Variants in QRFPR observed in about 807,000 individuals in gnomAD.
QRFPR encodes the protein pyroglutamylated RFamide peptide receptor.
A neutral mutation model predicts 31.3 loss-of-function variants in QRFPR; 37 were observed. The ratio of observed to expected loss-of-function variants is 1.18; its 90% CI spans 0.91 to 1.56. The LOEUF (loss-of-function observed/expected upper bound fraction) is 1.56, where lower values mean the gene tolerates loss of function less well. Among genes scored for constraint, QRFPR ranks in the 40% most tolerant of loss-of-function variants. The probability of loss-of-function intolerance (pLI) is 0.00; values close to 1 mark genes in which losing one functional copy is unlikely to be tolerated. For missense variants in QRFPR, 542 were observed against 532.5 expected (o/e 1.02, Z -0.18); for synonymous variants, 197 against 192.0 (o/e 1.03, Z -0.22).
At chr4:121,359,711 G>C (rs1004947705) in intron 1 of QRFPR, among the ~76,000 whole-genome samples, 1 of 149,810 alleles carries the variant, frequency 6.7e-6, no homozygotes, top group Non-Finnish European at 1.5e-5. Context: ...GTATGTGTGT[G>C]TGTGTATATA....
Position 121,331,721 on chromosome 4 carries a change from C to T in QRFPR, c.797+1100G>A, listed in dbSNP as rs1171911608. Among the ~76,000 whole-genome samples the T allele has an allele frequency of 4.0e-5, 6 of 151,268 alleles. No individual in the cohort carries two copies. In the South Asian group the frequency reaches 1.3e-3, roughly 32 times the overall value. On this transcript the variant is annotated intron_variant, in intron 4 of 5. Coordinates refer to ENST00000394427, the MANE Select transcript of QRFPR (RefSeq NM_198179.3). ...AGACTAGAGTGCAGTGGCGTGATCT[C>T]GGCTCACTGCAACCTCAGTCCATCA...
intron 2 of QRFPR, among the ~76,000 whole-genome samples, chr4:121,337,504 A>T (rs574557735): frequency 2.0e-4 from 31 of 152,286 alleles, no homozygotes; most frequent in African/African-American, 7.0e-4. Context: ...TGTTTCCTCA[A>T]ATAAGAGTCC....
intron 1 of QRFPR, among the ~76,000 whole-genome samples, chr4:121,369,220 G>T (rs1278202540): frequency 6.6e-6 from 1 of 152,060 alleles, no homozygotes; most frequent in African/African-American, 2.4e-5. Flanking sequence ...GTAGAGACAG[G>T]GTTTCATTGT....
chr4:121,378,648 C>G (rs1376492247), intron 1 of QRFPR, among the ~76,000 whole-genome samples: 1 of 152,070 alleles, frequency 6.6e-6, no homozygotes, highest in Admixed American at 6.6e-5. Flanking sequence ...TGGTCTCGAT[C>G]TCATGACCTC....
At chr4:121,359,115 G>A (rs1725929860) in intron 1 of QRFPR, among the ~76,000 whole-genome samples, 1 of 152,076 alleles carries the variant, frequency 6.6e-6, no homozygotes, top group Non-Finnish European at 1.5e-5. Flanking sequence ...GCCTTACAAA[G>A]GAAGTAAGTA....
At chr4:121,366,902 C>T (rs1264842142) in intron 1 of QRFPR, among the ~76,000 whole-genome samples, 1 of 124,172 alleles carries the variant, frequency 8.1e-6, no homozygotes, top group Non-Finnish European at 1.8e-5. Context: ...CAGTGCATAG[C>T]AAGGCTCTAG....
At chr4:121,375,524 T>C (rs1287949699) in intron 1 of QRFPR, among the ~76,000 whole-genome samples, 3 of 152,190 alleles carry the variant, frequency 2.0e-5, no homozygotes, top group Non-Finnish European at 4.4e-5. Context: ...TACTTTAGAC[T>C]TTGGGCAGAG....
rs1204630258 is a variant in QRFPR, at chr4:121,329,039, C to T, written c.*275G>A. ...AAAGTGCTGGGATTACAGGCATGAG[C>T]CACCGTGCCTGGCCTTCCATGTTGC... On this transcript the variant is annotated 3_prime_UTR_variant, in exon 6 of 6. Coordinates refer to ENST00000394427, the MANE Select transcript of QRFPR (RefSeq NM_198179.3). 3 of 262,458 alleles carry T rather than the reference C, an allele frequency of 1.1e-5. No individual in the cohort carries two copies. The highest frequency in any genetic ancestry group is 2.1e-5 in the Non-Finnish European group (3 of 140,524). 16.3% of individuals were successfully genotyped at this position (262,458 alleles called of 1,614,324 possible). A position where few individuals can be genotyped will look rare whatever the true frequency, so the allele number is the denominator to read the frequency against.
chr4:121,332,276 T>A (rs1172040385), intron 4 of QRFPR, among the ~76,000 whole-genome samples: 2 of 152,098 alleles, frequency 1.3e-5, no homozygotes, highest in African/African-American at 4.8e-5. Flanking sequence ...TATTAATGAA[T>A]AAATTCAGAA....
Position 121,372,251 on chromosome 4 carries a change from G to A in QRFPR, c.340+8057C>T, listed in dbSNP as rs1259827181. Among the ~76,000 whole-genome samples the A allele has an allele frequency of 3.9e-5, 6 of 152,164 alleles. No homozygotes were observed. In the South Asian group the frequency reaches 8.3e-4, roughly 21 times the overall value. ...GGGGGTATCTCTGGGTGTTTGAATA[G>A]GAGTGACGATGGCGCTCCCTGAGGT... On this transcript the variant is annotated intron_variant, in intron 1 of 5. Coordinates refer to ENST00000394427, the MANE Select transcript of QRFPR (RefSeq NM_198179.3).
At chr4:121,372,967 G>A (rs751510491) in intron 1 of QRFPR, among the ~76,000 whole-genome samples, 1 of 152,154 alleles carries the variant, frequency 6.6e-6, no homozygotes, top group African/African-American at 2.4e-5. Flanking sequence ...TGGCCGCCGA[G>A]GGGGAGGATG....
At chr4:121,334,664 A>G in intron 3 of QRFPR, 1 of 360,206 alleles carries the variant, frequency 2.8e-6, no homozygotes. Context: ...AGAAGTTGTG[A>G]ATTCACATTT....
intron 3 of QRFPR, among the ~76,000 whole-genome samples, chr4:121,334,794 G>A (rs886557054): frequency 6.6e-6 from 1 of 152,130 alleles, no homozygotes; most frequent in African/African-American, 2.4e-5. Flanking sequence ...AGCAGAGAGC[G>A]GCAGTGAGAA....
chr4:121,337,183 A>G (rs1725452136), intron 2 of QRFPR, among the ~76,000 whole-genome samples: 1 of 151,920 alleles, frequency 6.6e-6, no homozygotes, highest in Admixed American at 6.6e-5. Flanking sequence ...ATTTCTGTCC[A>G]TGCTCTTCAC....
At position 121,380,572 on chromosome 4, in the gene QRFPR, T is replaced by G; in HGVS notation, c.76A>C (p.Ile26Leu). The G allele has an allele frequency of 6.2e-7, 1 of 1,606,598 alleles. No individual in the cohort carries two copies. Among genetic ancestry groups the G allele is most frequent in the Non-Finnish European group, 8.5e-7 (1 of 1,176,550 alleles). ...RDHNLTREQF[I>L]ALYRLRPLVY... ...AGCGGTCGCAGCCGGTACAGAGCGA[T>G]GAACTGCTCCCGCGTCAGGTTGTGG... Residue 26 changes from isoleucine (I) to leucine (L), a missense_variant, in exon 1 of 6, where the codon ATC (isoleucine) becomes CTC (leucine). Transcript: ENST00000394427.
At chr4:121,341,627 C>A (rs1229367817) in intron 1 of QRFPR, among the ~76,000 whole-genome samples, 2 of 152,120 alleles carry the variant, frequency 1.3e-5, no homozygotes, top group Admixed American at 6.5e-5. Context: ...CACACAAAAT[C>A]ATTTAATATA....
At chr4:121,361,562 T>C (rs944987230) in intron 1 of QRFPR, among the ~76,000 whole-genome samples, 6 of 150,124 alleles carry the variant, frequency 4.0e-5, no homozygotes, top group Admixed American at 6.6e-5. Flanking sequence ...TCAAACTTTA[T>C]TGAACATATG....
At position 121,329,636 on chromosome 4, in the gene QRFPR, G is replaced by A. The variant is rs1455495292; in HGVS notation, c.974C>T (p.Ser325Phe). The A allele has an allele frequency of 6.2e-7, 1 of 1,601,568 alleles. No homozygotes were observed. The highest frequency in any genetic ancestry group is 1.7e-5 in the Admixed American group (1 of 57,536). The change falls in exon 6 of 6, where the codon TCC (serine) becomes TTC (phenylalanine). Residue 325 changes from serine (S) to phenylalanine (F), a missense_variant. Transcript: ENST00000394427. The stretch of plus-strand genomic sequence containing the variant: ...TGCATAGACAATGGGATTACAGATG[G>A]AGTTGGAAAATCCAATAATTTGCAC... Reference protein sequence around the residue: ...AIVQIIGFSNSICNPIVYAFM... With the variant: ...AIVQIIGFSNFICNPIVYAFM...
intron 1 of QRFPR, among the ~76,000 whole-genome samples, chr4:121,377,412 TA>T (rs35228721): frequency 0.06 from 6,411 of 106,484 alleles, 207 homozygotes; most frequent in African/African-American, 0.079. Flanking sequence ...TATATATATA[TA>T]TTTTTTTTTT....
Sources: gnomAD v4.1 joint callset for allele counts (sites outside exome capture counted in the v4.1 genomes callset) on GRCh38, gnomAD v4.1.1 for gene constraint, MANE v1.5 for transcripts, NCBI Gene and HGNC (gene_info 2026-07-23, HGNC 2026-07-21) for gene names.